Variants in BFSP1 observed in about 807,000 individuals in gnomAD.
BFSP1 encodes the protein filensin.
Under a neutral mutation model 43.9 loss-of-function variants are expected in BFSP1, and 38 were observed. The observed-to-expected ratio is 0.87, with a 90% CI of 0.67 to 1.14. The LOEUF is 1.14. Among genes scored for constraint, BFSP1 ranks in the 50% most tolerant of loss-of-function variants. BFSP1 has a pLI of 0.00. For missense variants in BFSP1, 850 were observed against 875.1 expected (o/e 0.97, Z 0.36); for synonymous variants, 352 against 354.8 (o/e 0.99, Z 0.09).
Position 17,540,765 on chromosome 20 carries a change from G to C in BFSP1, c.3-15857C>G, listed in dbSNP as rs191524412. Among the ~76,000 whole-genome samples the C allele has an allele frequency of 7.7e-3, 1,178 of 152,266 alleles. 7 individuals are homozygous for C. The highest frequency in any genetic ancestry group is 0.016 in the South Asian group (79 of 4,816). On this transcript the variant is annotated intron_variant, in intron 1 of 7. Transcript: ENST00000377868. ...TAGGGTTTGGCAAATGGGAGTCACT[G>C]TCAGGAGATCAAAAAGACTCCCTTC...
At chr20:17,515,942 G>A (rs567792629) in intron 2 of BFSP1, among the ~76,000 whole-genome samples, 1 of 152,298 alleles carries the variant, frequency 6.6e-6, no homozygotes, top group East Asian at 1.9e-4. Context: ...TGACAGTCAC[G>A]ATATGTGGAC....
rs923237527 is a variant in BFSP1 at position 17,537,589 on chromosome 20, A to C, written c.3-12681T>G. The stretch of plus-strand genomic sequence containing the variant: ...GCACCAAAAAAAAAAAAAAAAAAAA[A>C]CAAATTTGTGTGACAGCAAGTGTGT... On this transcript the variant is annotated intron_variant, in intron 1 of 7. Transcript: ENST00000377868. 2.6e-5 allele frequency among the ~76,000 whole-genome samples: 4 copies of C among 151,224 alleles called. No homozygotes were observed. In the South Asian group the frequency reaches 8.4e-4, roughly 32 times the overall value.
intron 1 of BFSP1, chr20:17,541,142 A>T (rs1185462830): frequency 4.0e-6 from 2 of 502,630 alleles, no homozygotes; most frequent in East Asian, 3.0e-4. Context: ...GTGAGCAATG[A>T]TCATTCCTGT....
chr20:17,528,023 C>T (rs985597774), intron 1 of BFSP1, among the ~76,000 whole-genome samples: 1 of 152,200 alleles, frequency 6.6e-6, no homozygotes, highest in Non-Finnish European at 1.5e-5. Flanking sequence ...ATGCCTAGCA[C>T]TGGCATGGAA....
At position 17,518,747 on chromosome 20, in the gene BFSP1, G is replaced by C. The variant is rs566119036; in HGVS notation, c.439-3931C>G. On this transcript the variant is annotated intron_variant, in intron 2 of 7. Transcript: ENST00000377873. ...AGACCTCAGGAAAGACGGAAACCAA[G>C]GCAGTTCCAGGAATCTAAGTAGCAG... Among the ~76,000 whole-genome samples, 85 of 152,310 alleles carry C rather than the reference G, an allele frequency of 5.6e-4. No homozygotes were observed. In the South Asian group the frequency reaches 0.017, roughly 31 times the overall value.
At chr20:17,499,390 C>A (rs1017379077) in intron 5 of BFSP1, among the ~76,000 whole-genome samples, 1 of 150,116 alleles carries the variant, frequency 6.7e-6, no homozygotes, top group Middle Eastern at 3.4e-3. Context: ...CAGGCAAGCA[C>A]CAACATGCTG....
At chr20:17,524,820 C>T (rs374827788) in intron 2 of BFSP1, 28 bp downstream of exon 2, 36 of 1,609,654 alleles carry the variant, frequency 2.2e-5, no homozygotes, top group African/African-American at 1.6e-4. Flanking sequence ...AATTAAGCTA[C>T]GTAAACCCAA....
chr20:17,542,549 T>C (rs1197745691), intron 1 of BFSP1, among the ~76,000 whole-genome samples: 1 of 152,008 alleles, frequency 6.6e-6, no homozygotes, highest in Non-Finnish European at 1.5e-5. Context: ...CAGTAAGCTA[T>C]GATCGCACCA....
At chr20:17,553,837 A>ATATATACC (rs1488941178) in intron 1 of BFSP1, among the ~76,000 whole-genome samples, 1 of 86,862 alleles carries the variant, frequency 1.2e-5, no homozygotes, top group Non-Finnish European at 2.1e-5. Flanking sequence ...ATATATATAT[A>ATATATACC]CACATATATA....
intron 1 of BFSP1, among the ~76,000 whole-genome samples, chr20:17,568,490 T>C (rs773167462): frequency 2.0e-4 from 31 of 151,836 alleles, no homozygotes; most frequent in Non-Finnish European, 4.4e-4. Flanking sequence ...AGGAGTGTGG[T>C]CTCGGACTGG....
At chr20:17,531,421 G>A (rs1464516837), upstream of BFSP1, 7 of 1,251,128 alleles carry the variant, frequency 5.6e-6, no homozygotes, top group South Asian at 9.7e-5. Context: ...AACACCGGAG[G>A]CCCCCGGCGC....
chr20:17,543,902 G>A (rs923453957), intron 1 of BFSP1, among the ~76,000 whole-genome samples: 9 of 152,226 alleles, frequency 5.9e-5, no homozygotes, highest in South Asian at 2.1e-4. Flanking sequence ...TAAACTGGAC[G>A]TGATAGAAGT....
chr20:17,543,404 T>C (rs902138262), intron 1 of BFSP1, among the ~76,000 whole-genome samples: 1 of 152,236 alleles, frequency 6.6e-6, no homozygotes, highest in Admixed American at 6.5e-5. Flanking sequence ...CAATCCAACT[T>C]GTTATTAGAG....
At position 17,531,351 on chromosome 20, in the gene BFSP1, C is replaced by G; in HGVS notation, c.-22G>C. 2 of 1,359,344 alleles carry G rather than the reference C, an allele frequency of 1.5e-6. No homozygotes were observed. Among genetic ancestry groups the G allele is most frequent in the East Asian group, 3.2e-5 (1 of 31,632 alleles). The allele number at this position is 1,359,344 out of a possible 1,614,324, so 84.2% of individuals were successfully genotyped here. A position where few individuals can be genotyped will look rare whatever the true frequency, so the allele number is the denominator to read the frequency against. ...ACATGGCTGCTCTGGCGCGGGCGCG[C>G]GGGCGGCGCCGAGCCGGCTCTCCAG... On this transcript the variant is annotated 5_prime_UTR_variant, in exon 1 of 8. Transcript: ENST00000377873.
intron 1 of BFSP1, among the ~76,000 whole-genome samples, chr20:17,555,419 A>T (rs2034975895): frequency 6.6e-6 from 1 of 151,950 alleles, no homozygotes; most frequent in East Asian, 1.9e-4. Flanking sequence ...GTAGGAGGCC[A>T]AGGTGGGCAG....
At chr20:17,559,112 G>A (rs2035042468), upstream of BFSP1, among the ~76,000 whole-genome samples, 1 of 151,938 alleles carries the variant, frequency 6.6e-6, no homozygotes, top group African/African-American at 2.4e-5. Context: ...TAAGGATGTT[G>A]AAGCTAATGC....
At chr20:17,538,730 G>A (rs2034669784) in intron 1 of BFSP1, among the ~76,000 whole-genome samples, 1 of 152,172 alleles carries the variant, frequency 6.6e-6, no homozygotes, top group Non-Finnish European at 1.5e-5. Flanking sequence ...CATGACCTCA[G>A]AAATGCAGAA....
At chr20:17,564,681 C>T (rs540041419) in intron 1 of BFSP1, among the ~76,000 whole-genome samples, 3 of 150,120 alleles carry the variant, frequency 2.0e-5, no homozygotes, top group East Asian at 4.1e-4. Flanking sequence ...CTCCGCCTCC[C>T]GGGTTCAAGC....
chr20:17,542,557 C>T (rs1007806157), intron 1 of BFSP1, among the ~76,000 whole-genome samples: 5 of 152,108 alleles, frequency 3.3e-5, no homozygotes, highest in African/African-American at 1.2e-4. Flanking sequence ...TATGATCGCA[C>T]CATTGCATGC....
Sources: gnomAD v4.1 joint callset for allele counts (sites outside exome capture counted in the v4.1 genomes callset) on GRCh38, gnomAD v4.1.1 for gene constraint, MANE v1.5 for transcripts, NCBI Gene and HGNC (gene_info 2026-07-23, HGNC 2026-07-21) for gene names.